The following ATG2B variants were observed in gnomAD, a reference collection of about 807,000 sequenced individuals.
ATG2B encodes autophagy related 2B, also known as autophagy-related protein 2 homolog B.
A neutral mutation model predicts 241.3 loss-of-function variants in ATG2B; 121 were observed. The observed-to-expected ratio is 0.50, with a 90% CI of 0.43 to 0.58. The LOEUF is 0.58. ATG2B is among the 20% of genes least tolerant of loss of function. ATG2B has a pLI of 0.00. For missense variants in ATG2B, 2,306 were observed against 2,491.6 expected (o/e 0.93, Z 1.59); for synonymous variants, 858 against 876.6 (o/e 0.98, Z 0.37).
intron 1 of ATG2B, among the ~76,000 whole-genome samples, chr14:96,350,828 A>C (rs1888298588): frequency 6.6e-6 from 1 of 152,216 alleles, no homozygotes. Context: ...TTAAGGTATA[A>C]GCATCCAAAC....
At chr14:96,308,457 T>C (rs948030750) in intron 29 of ATG2B, among the ~76,000 whole-genome samples, 3 of 132,124 alleles carry the variant, frequency 2.3e-5, no homozygotes, top group Non-Finnish European at 4.9e-5. Context: ...ATCCCACATC[T>C]AGCTTTTTTT....
chr14:96,338,121 C>T (rs1005302110), intron 6 of ATG2B, among the ~76,000 whole-genome samples: 1 of 151,864 alleles, frequency 6.6e-6, no homozygotes, highest in Non-Finnish European at 1.5e-5. Flanking sequence ...GCTACTGATT[C>T]GTGTACGCTG....
intron 1 of ATG2B, among the ~76,000 whole-genome samples, chr14:96,360,557 G>C (rs1888594938): frequency 6.6e-6 from 1 of 152,136 alleles, no homozygotes; most frequent in Non-Finnish European, 1.5e-5. Flanking sequence ...CAAAGAGCTT[G>C]AAAAACTGAA....
chr14:96,362,803 GGCAGCTCT>G lies in ATG2B; in HGVS notation c.162+4_162+11del. 1 of 1,586,136 alleles carries G rather than the reference GGCAGCTCT, an allele frequency of 6.3e-7. No homozygotes were observed. Among genetic ancestry groups the G allele is most frequent in the Non-Finnish European group, 8.6e-7 (1 of 1,163,398 alleles). ...AGCGAGCCCCGCCCGGCTCGCCGCCGGCAGCTCTTACCCATTTGTCCAAGGGGACCTGG... is the reference window on the plus strand; with the variant it reads ...AGCGAGCCCCGCCCGGCTCGCCGCCGTACCCATTTGTCCAAGGGGACCTGG... On this transcript the variant is annotated splice_donor_5th_base_variant and intron_variant, in intron 1 of 41. Coordinates refer to ENST00000359933, the MANE Select transcript of ATG2B (RefSeq NM_018036.7).
chr14:96,296,467 A>C (rs1886643169), intron 34 of ATG2B, among the ~76,000 whole-genome samples: 1 of 151,872 alleles, frequency 6.6e-6, no homozygotes, highest in African/African-American at 2.4e-5. Context: ...CTTTCCTTTC[A>C]TAATCCTAAA....
intron 1 of ATG2B, among the ~76,000 whole-genome samples, chr14:96,348,517 T>C (rs779149297): frequency 1.3e-5 from 2 of 152,040 alleles, no homozygotes; most frequent in Non-Finnish European, 2.9e-5. Context: ...ATCCCGTCTC[T>C]ACTAAAATTA....
chr14:96,359,477 A>C (rs1277975751), intron 1 of ATG2B, among the ~76,000 whole-genome samples: 1 of 152,180 alleles, frequency 6.6e-6, no homozygotes, highest in African/African-American at 2.4e-5. Flanking sequence ...TCACTGCTAT[A>C]TCCCCCAGCC....
intron 34 of ATG2B, 111 bp from the exon 35 acceptor site, chr14:96,295,671 C>A: frequency 2.3e-4 from 122 of 533,138 alleles, no homozygotes; most frequent in East Asian, 5.2e-4. Context: ...TCAAATATAG[C>A]TACAATTTAT....
Position 96,303,196 on chromosome 14 carries a change from TGA to T in ATG2B, c.4900_4901del (p.Ser1634ArgfsTer15), listed in dbSNP as rs1886843010. The T allele has an allele frequency of 6.2e-7, 1 of 1,611,596 alleles. No homozygotes were observed. The highest frequency in any genetic ancestry group is 8.5e-7 in the Non-Finnish European group (1 of 1,178,920). ...ACACCTGCCGGGAGACTGGGTGTTC[TGA>T]GAGGCTGGAATCACAATCAGGTTTG... is the stretch of plus-strand genomic sequence containing the variant. Reference protein sequence around the residue: ...PCKPDCDSSLSEHPVSRQVFI... With the variant: ...PCKPDCDSSLXEHPVSRQVFI... On this transcript the variant is annotated frameshift_variant, in exon 33 of 42. Transcript: ENST00000359933. LOFTEE classifies it high-confidence loss of function.
In ATG2B at chr14:96,347,165, T is replaced by C. The variant is rs1307545052; in HGVS notation, c.325+14A>G. On this transcript the variant is annotated intron_variant, in intron 2 of 41. Transcript: ENST00000359933. ...AATAAAAACACATAAAACAGAAACA[T>C]ACAACACACCAACCTGGGCGAGGTC... 6.4e-7 allele frequency: 1 copy of C among 1,561,794 alleles called. No individual in the cohort carries two copies. Among genetic ancestry groups the C allele is most frequent in the African/African-American group, 1.3e-5 (1 of 74,286 alleles).
rs117285826 is a variant in ATG2B at position 96,362,525 on chromosome 14, C to T, written c.162+290G>A. Among the ~76,000 whole-genome samples the T allele has an allele frequency of 4.4e-3, 674 of 152,302 alleles. 26 individuals carry two copies. The South Asian group carries it at 0.067, about 15-fold the overall frequency. ...GAGGGACAGTTCTGGTCACCTCCTC[C>T]CACGGACCTATTGAGCCTGCTTCAC... is the stretch of plus-strand genomic sequence containing the variant. On this transcript the variant is annotated intron_variant, in intron 1 of 41. Coordinates refer to ENST00000359933, the MANE Select transcript of ATG2B (RefSeq NM_018036.7).
At chr14:96,356,324 CT>C (rs1317355298) in intron 1 of ATG2B, among the ~76,000 whole-genome samples, 1 of 152,146 alleles carries the variant, frequency 6.6e-6, no homozygotes, top group East Asian at 1.9e-4. Flanking sequence ...TTTGTGCCTA[CT>C]TTACAAATAT....
chr14:96,285,342 T>C lies in ATG2B; in HGVS notation c.*413A>G, dbSNP rs1389042029. On this transcript the variant is annotated 3_prime_UTR_variant, in exon 42 of 42. Transcript: ENST00000359933. The surrounding 1 kb of genome is among the most constrained non-coding windows in gnomAD (Gnocchi z 4.2). ...TATTTGCTTTGCTTCCCCTGTGGCT[T>C]CTGTCTCTCATTTTCAGTTAAAAGT... The C allele has an allele frequency of 6.2e-6, 1 of 162,076 alleles. No homozygotes were observed. Among genetic ancestry groups the C allele is most frequent in the African/African-American group, 2.4e-5 (1 of 41,744 alleles). The allele number at this position is 162,076 out of a possible 1,614,324, so 10.0% of individuals were successfully genotyped here.
In ATG2B at chr14:96,285,875, C is replaced by A. The variant is rs889060893; in HGVS notation, c.6117G>T (p.Val2039=). 1.9e-5 allele frequency: 30 copies of A among 1,614,094 alleles called. No homozygotes were observed. The highest frequency in any genetic ancestry group is 2.5e-5 in the Non-Finnish European group (29 of 1,180,016). Residue 2039 remains valine (V), a synonymous_variant, in exon 42 of 42, where the codon GTG becomes GTT. Transcript: ENST00000359933. The surrounding 1 kb of genome is among the most constrained non-coding windows in gnomAD (Gnocchi z 4.2). ...CTGTGGCAACAATCAGAGGTTTCACCACTGCCGGAGGAATCTGGCGCAGAA... is the reference window on the plus strand; with the variant it reads ...CTGTGGCAACAATCAGAGGTTTCACAACTGCCGGAGGAATCTGGCGCAGAA... ...GEVLRQIPPA[V]VKPLIVATEA... is the part of the protein sequence containing the mutation.
chr14:96,340,100 T>TGTG (rs1887976435), intron 6 of ATG2B, among the ~76,000 whole-genome samples: 2 of 133,854 alleles, frequency 1.5e-5, no homozygotes, highest in South Asian at 2.3e-4. Context: ...ATATGCTATA[T>TGTG]AGAATATATG....
chr14:96,315,345 A>G (rs760240073), intron 22 of ATG2B, 39 bp downstream of exon 22: 3 of 1,598,154 alleles, frequency 1.9e-6, no homozygotes. Flanking sequence ...TTTTAGCTAG[A>G]ATCAAATCAA....
rs1156339225 is a variant in ATG2B at position 96,306,892 on chromosome 14, A to C, written c.4328T>G (p.Ile1443Ser). ...ANGVLDEKSQ[I>S]QEPCCSDLFL... ...GAGGTCTGAACAACATGGCTCCTGA[A>C]TTTGAGATTTTTCATCCAAAACACC... Residue 1443 changes from isoleucine to serine, a missense_variant, in exon 30 of 42, where the codon ATT becomes AGT. This residue lies in a region of ATG2B where 1,927 missense variants were observed against 2,011.2 expected (regional missense o/e 0.96). Coordinates refer to ENST00000359933, the MANE Select transcript of ATG2B (RefSeq NM_018036.7). 9.3e-6 allele frequency: 15 copies of C among 1,613,208 alleles called. No individual in the cohort carries two copies. The highest frequency in any genetic ancestry group is 1.1e-5 in the Non-Finnish European group (13 of 1,179,868).
intron 6 of ATG2B, 56 bp from the exon 7 acceptor site, chr14:96,334,557 A>G: frequency 9.9e-7 from 1 of 1,009,538 alleles, no homozygotes. Context: ...CCTTATCACC[A>G]TAAACGTCAG....
chr14:96,311,897 C>T (rs977910633), intron 26 of ATG2B, among the ~76,000 whole-genome samples, 192 bp downstream of exon 26: 4 of 152,060 alleles, frequency 2.6e-5, no homozygotes, highest in Non-Finnish European at 5.9e-5. Flanking sequence ...AACTGAAAAA[C>T]CAGTATCTGA....
Sources: gnomAD v4.1 joint callset for allele counts (sites outside exome capture counted in the v4.1 genomes callset) on GRCh38, gnomAD v4.1.1 for gene constraint, gnomAD v4.1.1 regional missense constraint, Gnocchi (gnomAD v3.1) non-coding constraint, MANE v1.5 for transcripts, NCBI Gene and HGNC (gene_info 2026-07-23, HGNC 2026-07-21) for gene names.